NID1: variants seen among roughly 807,000 people sequenced by gnomAD.
NID1 encodes nidogen 1.
A neutral mutation model predicts 130.6 loss-of-function variants in NID1; 76 were observed. The observed-to-expected ratio is 0.58, with a 90% CI of 0.48 to 0.70. The LOEUF (loss-of-function observed/expected upper bound fraction) is 0.70, where lower values mean the gene tolerates loss of function less well. Ranked by LOEUF, NID1 falls within the 30% of genes least tolerant of loss-of-function variation. The pLI is 0.00. For synonymous variants in NID1, 665 were observed against 675.1 expected (o/e 0.98, Z 0.23); for missense variants, 1,517 against 1,664.8 (o/e 0.91, Z 1.54).
At chr1:236,017,758 C>T (rs867770587) in intron 9 of NID1, among the ~76,000 whole-genome samples, 1 of 152,056 alleles carries the variant, frequency 6.6e-6, no homozygotes, top group African/African-American at 2.4e-5. Flanking sequence ...GAGAGTGATC[C>T]CCATGCCTTT....
chr1:236,017,230 G>A lies in NID1; in HGVS notation c.2172C>T (p.His724=), dbSNP rs138825165. The A allele has an allele frequency of 2.5e-4, 410 of 1,614,094 alleles. No individual in the cohort carries two copies. Among genetic ancestry groups the A allele is most frequent in the East Asian group, 5.1e-4 (23 of 44,886 alleles). The change falls in exon 10 of 20, where the codon CAC becomes CAT. Residue 724 remains histidine, a synonymous_variant. Transcript: ENST00000264187. ...CSEQPSVCGS[H]TICNNHPGTF... ...TTCCTGGGTGATTATTGCAGATTGT[G>A]TGGCTCCCACACACTGAGGGTTGTT...
intron 15 of NID1, 115 bp downstream of exon 15, chr1:235,985,264 G>T: frequency 1.8e-6 from 2 of 1,094,760 alleles, no homozygotes; most frequent in Non-Finnish European, 2.7e-6. Flanking sequence ...TGCAACAAAA[G>T]ACTGAGAAAT....
intron 5 of NID1, among the ~76,000 whole-genome samples, chr1:236,037,696 T>C (rs1480641028): frequency 1.3e-5 from 2 of 150,692 alleles, no homozygotes; most frequent in South Asian, 2.1e-4. Context: ...CAACACAACA[T>C]AAAATTAGAG....
intron 1 of NID1, among the ~76,000 whole-genome samples, chr1:236,058,404 C>A (rs1232554187): frequency 6.6e-6 from 1 of 152,104 alleles, no homozygotes; most frequent in African/African-American, 2.4e-5. Context: ...TAGGGCAGAG[C>A]ATGTCAATTA....
Position 236,020,049 on chromosome 1 carries a change from A to C in NID1, c.2129-2776T>G, listed in dbSNP as rs60797341. On this transcript the variant is annotated intron_variant, in intron 9 of 19. Transcript: ENST00000264187. ...AAGACTCTGCCTTAAAAAAAAAAAA[A>C]AAAAAAAAACAAAAACAAACTTCTT... Among the ~76,000 whole-genome samples, 60 of 136,902 alleles carry C rather than the reference A, an allele frequency of 4.4e-4. 1 individual carries two copies. The highest frequency in any genetic ancestry group is 2.4e-3 in the South Asian group (9 of 3,718). 89.8% of individuals were successfully genotyped at this position (136,902 alleles called of 152,430 possible). A position where few individuals can be genotyped will look rare whatever the true frequency, so the allele number is the denominator to read the frequency against.
At chr1:236,064,545 G>C in intron 1 of NID1, 1 of 332,104 alleles carries the variant, frequency 3.0e-6, no homozygotes, top group South Asian at 3.4e-5. Context: ...GACGCGGACT[G>C]ACCTCCCTGC....
At chr1:236,032,900 C>A (rs1246558583) in intron 5 of NID1, among the ~76,000 whole-genome samples, 3 of 152,176 alleles carry the variant, frequency 2.0e-5, no homozygotes, top group Non-Finnish European at 4.4e-5. Context: ...AGCACGAAAG[C>A]TGTCTCCACG....
At chr1:235,988,046 A>G (rs1657621998) in intron 14 of NID1, among the ~76,000 whole-genome samples, 1 of 152,216 alleles carries the variant, frequency 6.6e-6, no homozygotes, top group Non-Finnish European at 1.5e-5. Flanking sequence ...GGTAAATTGG[A>G]CTACATCAAA....
chr1:236,001,139 A>G (rs1480029214), intron 12 of NID1, among the ~76,000 whole-genome samples: 2 of 144,502 alleles, frequency 1.4e-5, no homozygotes, highest in African/African-American at 5.2e-5. Context: ...ACAGAATATC[A>G]CTGTCGCCCG....
At chr1:235,999,871 G>A (rs929005820) in intron 12 of NID1, among the ~76,000 whole-genome samples, 3 of 152,156 alleles carry the variant, frequency 2.0e-5, no homozygotes, top group African/African-American at 7.2e-5. Flanking sequence ...GAGAGGAAGG[G>A]GAGGGTTGGC....
intron 9 of NID1, among the ~76,000 whole-genome samples, chr1:236,018,730 C>T (rs1658671432): frequency 6.6e-6 from 1 of 152,216 alleles, no homozygotes; most frequent in Non-Finnish European, 1.5e-5. Flanking sequence ...TGAGCCACAG[C>T]CCCTAGCCTA....
At chr1:236,031,182 G>A (rs1558440131) in intron 6 of NID1, among the ~76,000 whole-genome samples, 1 of 151,582 alleles carries the variant, frequency 6.6e-6, no homozygotes, top group Non-Finnish European at 1.5e-5. Context: ...GCAATGGCAC[G>A]ATCTCGGCTC....
At chr1:236,048,660 A>T in intron 2 of NID1, 30 bp downstream of exon 2, 1 of 1,598,768 alleles carries the variant, frequency 6.3e-7, no homozygotes, top group Non-Finnish European at 8.5e-7. Flanking sequence ...GTGTCTGATT[A>T]CCTGCACTTG....
At chr1:236,005,065 C>A (rs909799259) in intron 12 of NID1, among the ~76,000 whole-genome samples, 1 of 151,944 alleles carries the variant, frequency 6.6e-6, no homozygotes, top group Admixed American at 6.6e-5. Flanking sequence ...CACAGCTACT[C>A]GGGAGGCTGA....
chr1:236,022,951 A>G, intron 9 of NID1, among the ~76,000 whole-genome samples: 1 of 151,786 alleles, frequency 6.6e-6, no homozygotes, highest in South Asian at 2.1e-4. Flanking sequence ...AGTCCCAGCT[A>G]CTAGGAGACA....
intron 1 of NID1, among the ~76,000 whole-genome samples, chr1:236,051,709 C>A (rs949432556): frequency 6.6e-6 from 1 of 152,162 alleles, no homozygotes; most frequent in Admixed American, 6.5e-5. Context: ...CGTGTGGGAG[C>A]GTGGGAAACG....
At chr1:236,031,850 GCA>G (rs548205391) in intron 6 of NID1, among the ~76,000 whole-genome samples, 1 of 152,170 alleles carries the variant, frequency 6.6e-6, no homozygotes, top group Non-Finnish European at 1.5e-5. Context: ...CCTCAATAGG[GCA>G]CAGTCTCTAA....
intron 1 of NID1, among the ~76,000 whole-genome samples, chr1:236,063,090 G>T (rs1245614101): frequency 7.0e-6 from 1 of 142,542 alleles, no homozygotes; most frequent in African/African-American, 2.8e-5. Flanking sequence ...GGAGGTGGAG[G>T]TTACAGTGAG....
intron 1 of NID1, among the ~76,000 whole-genome samples, chr1:236,055,195 T>A (rs983875353): frequency 6.6e-6 from 1 of 151,752 alleles, no homozygotes; most frequent in Non-Finnish European, 1.5e-5. Context: ...TCCCAGCTAC[T>A]CGGGAGGCTG....
Sources: allele counts gnomAD v4.1 joint callset (sites outside exome capture counted in the v4.1 genomes callset), GRCh38; gene constraint gnomAD v4.1.1; transcripts MANE v1.5; gene names NCBI Gene and HGNC (gene_info 2026-07-23, HGNC 2026-07-21).